ORC4: variants seen among roughly 807,000 people sequenced by gnomAD.
ORC4 encodes origin recognition complex, subunit 4 homolog.
A neutral mutation model predicts 63.9 loss-of-function variants in ORC4; 55 were observed. The ratio of observed to expected loss-of-function variants is 0.86; its 90% CI spans 0.69 to 1.08. The LOEUF (loss-of-function observed/expected upper bound fraction) is 1.08. ORC4 is among the 50% of genes least tolerant of loss of function. The pLI is 0.00. For missense variants in ORC4, 511 were observed against 504.4 expected (o/e 1.01, Z -0.13); for synonymous variants, 150 against 168.5 (o/e 0.89, Z 0.85).
At chr2:147,993,153 A>G (rs896645558) in intron 1 of ORC4, among the ~76,000 whole-genome samples, 1 of 152,048 alleles carries the variant, frequency 6.6e-6, no homozygotes, top group Admixed American at 6.6e-5. Flanking sequence ...GTTTTCTCCT[A>G]TATCTTTAGG....
chr2:147,977,648 T>C (rs969647733), intron 1 of ORC4, among the ~76,000 whole-genome samples: 2 of 152,280 alleles, frequency 1.3e-5, no homozygotes, highest in South Asian at 2.1e-4. Context: ...AAGGGCCCTG[T>C]CCTCCCGATA....
intron 4 of ORC4, among the ~76,000 whole-genome samples, chr2:147,959,142 T>C (rs888588995): frequency 6.6e-6 from 1 of 151,968 alleles, no homozygotes; most frequent in East Asian, 1.9e-4. Context: ...AATAAATATT[T>C]CTCTACATGT....
chr2:147,977,254 G>T (rs1294772200), intron 1 of ORC4, among the ~76,000 whole-genome samples: 1 of 152,094 alleles, frequency 6.6e-6, no homozygotes, highest in African/African-American at 2.4e-5. Context: ...GTGTATTCTG[G>T]TCTCATCTAA....
At chr2:147,938,260 G>C (rs1300554761) in intron 12 of ORC4, 38 bp downstream of exon 12, 7 of 1,587,504 alleles carry the variant, frequency 4.4e-6, no homozygotes, top group Non-Finnish European at 6.1e-6. Context: ...TAAGCAGTGG[G>C]GAAGAGTCAG....
chr2:147,987,366 ATGTG>A (rs140134375), intron 1 of ORC4, among the ~76,000 whole-genome samples: 7 of 116,386 alleles, frequency 6.0e-5, no homozygotes, highest in African/African-American at 2.3e-4. Context: ...AGATATATAT[ATGTG>A]TGTGTGTGTG....
chr2:147,938,312 T>A lies in ORC4; in HGVS notation c.1040A>T (p.Gln347Leu). 6.2e-7 allele frequency: 1 copy of A among 1,606,444 alleles called. No individual in the cohort carries two copies. The highest frequency in any genetic ancestry group is 8.5e-7 in the Non-Finnish European group (1 of 1,173,780). ...TCTCATCTCACCATTATAGACCATTTGAAAATTAAATGGCTCTTCCTCATA... is the reference window on the plus strand; with the variant it reads ...TCTCATCTCACCATTATAGACCATTAGAAAATTAAATGGCTCTTCCTCATA... ...DIYEEEPFNFQMVYNEFQKFV... is the reference protein window; with the variant it reads ...DIYEEEPFNFLMVYNEFQKFV... The change falls in exon 12 of 14, where the codon CAA becomes CTA. Residue 347 changes from glutamine (Q) to leucine (L), a missense_variant. Coordinates refer to ENST00000392857, the MANE Select transcript of ORC4 (RefSeq NM_181741.4).
In ORC4 at chr2:147,962,517, A is replaced by C. The variant is rs569040213; in HGVS notation, c.226-3651T>G. On this transcript the variant is annotated intron_variant, in intron 4 of 13. Coordinates refer to ENST00000392857, the MANE Select transcript of ORC4 (RefSeq NM_181741.4). ...ACCAAGCCCACATAGGTGGCTGAAC[A>C]CACAACTCTAGCTGCACAGAGACTG... Among the ~76,000 whole-genome samples, 366 of 152,152 alleles carry C rather than the reference A, an allele frequency of 2.4e-3. 1 individual carries two copies. The highest frequency in any genetic ancestry group is 0.011 in the South Asian group (51 of 4,820).
intron 1 of ORC4, among the ~76,000 whole-genome samples, chr2:148,019,528 G>A (rs1335919421): frequency 4.6e-5 from 7 of 152,200 alleles, no homozygotes; most frequent in Non-Finnish European, 1.0e-4. Context: ...GGAGACAGAG[G>A]TTGCAGTGAG....
intron 1 of ORC4, among the ~76,000 whole-genome samples, chr2:147,995,260 A>G (rs1573869728): frequency 6.7e-6 from 1 of 150,260 alleles, no homozygotes; most frequent in Non-Finnish European, 1.5e-5. Flanking sequence ...AAATGCACCA[A>G]TCAGCACTCT....
At chr2:148,021,213 T>C (rs1007176706), upstream of ORC4, 2 of 249,110 alleles carry the variant, frequency 8.0e-6, no homozygotes, top group South Asian at 4.2e-5. Flanking sequence ...ACTTCAACCT[T>C]GAATTCAGGG....
chr2:147,949,245 C>T (rs1331717989), intron 8 of ORC4, among the ~76,000 whole-genome samples: 1 of 151,814 alleles, frequency 6.6e-6, no homozygotes, highest in Non-Finnish European at 1.5e-5. Flanking sequence ...TGTGGTATAT[C>T]TACACAACAG....
chr2:147,974,944 G>A (rs1382555101), intron 2 of ORC4, among the ~76,000 whole-genome samples: 1 of 151,982 alleles, frequency 6.6e-6, no homozygotes, highest in Admixed American at 6.6e-5. Flanking sequence ...TGGCATAGAA[G>A]TTAAATAGGT....
intron 1 of ORC4, among the ~76,000 whole-genome samples, chr2:147,993,241 C>CT (rs1421479735): frequency 6.6e-6 from 1 of 152,026 alleles, no homozygotes; most frequent in Non-Finnish European, 1.5e-5. Context: ...ATTAATCTGC[C>CT]TTTTTTCAGC....
At chr2:147,976,098 A>C in intron 1 of ORC4, 123 bp from the exon 2 acceptor site, 1 of 662,298 alleles carries the variant, frequency 1.5e-6, no homozygotes, top group Non-Finnish European at 2.7e-6. Flanking sequence ...AAACCCTAAG[A>C]CCTTCAAAAT....
intron 1 of ORC4, among the ~76,000 whole-genome samples, chr2:148,008,947 CA>C (rs200363280): frequency 1.4e-5 from 2 of 147,820 alleles, no homozygotes; most frequent in Admixed American, 6.7e-5. Flanking sequence ...ATAACACTAT[CA>C]AAAAAAAACT....
intron 1 of ORC4, among the ~76,000 whole-genome samples, chr2:147,998,366 G>A (rs1209292492): frequency 6.6e-6 from 1 of 152,162 alleles, no homozygotes; most frequent in African/African-American, 2.4e-5. Flanking sequence ...CCTAGAGGGA[G>A]GTGTCTGGGT....
intron 1 of ORC4, among the ~76,000 whole-genome samples, chr2:148,005,805 G>C (rs917934204): frequency 2.6e-5 from 4 of 151,864 alleles, no homozygotes; most frequent in African/African-American, 9.7e-5. Context: ...ATGAAACCCT[G>C]TCTTTACAAA....
At chr2:148,014,818 C>T (rs1306657736) in intron 1 of ORC4, among the ~76,000 whole-genome samples, 2 of 151,880 alleles carry the variant, frequency 1.3e-5, no homozygotes, top group Non-Finnish European at 2.9e-5. Flanking sequence ...GTGTGTAGGC[C>T]GTATGCAAAC....
chr2:147,933,927 T>G lies in ORC4; in HGVS notation c.*1583A>C, dbSNP rs891226763. ...TTTGCAGGGAAGGAAAGGCTATGTA[T>G]GCAAAAGAATAGGTTGTAACTACTG... On this transcript the variant is annotated 3_prime_UTR_variant, in exon 14 of 14. Coordinates refer to ENST00000392857, the MANE Select transcript of ORC4 (RefSeq NM_181741.4). 5.9e-5 allele frequency: 9 copies of G among 152,306 alleles called. No homozygotes were observed. The highest frequency in any genetic ancestry group is 5.2e-4 in the Admixed American group (8 of 15,286). The allele number at this position is 152,306 out of a possible 1,614,324, so 9.4% of individuals were successfully genotyped here. A position where few individuals can be genotyped will look rare whatever the true frequency, so the allele number is the denominator to read the frequency against.
Sources: gnomAD v4.1 joint callset for allele counts (sites outside exome capture counted in the v4.1 genomes callset) on GRCh38, gnomAD v4.1.1 for gene constraint, MANE v1.5 for transcripts, NCBI Gene and HGNC (gene_info 2026-07-23, HGNC 2026-07-21) for gene names.